POU2F1: variants seen among roughly 807,000 people sequenced by gnomAD.
The protein encoded by POU2F1 is POU class 2 homeobox 1, also known as POU domain, class 2, transcription factor 1.
A neutral mutation model predicts 84.9 loss-of-function variants in POU2F1; 16 were observed. The ratio of observed to expected loss-of-function variants is 0.19; its 90% CI spans 0.13 to 0.29. POU2F1 has a LOEUF of 0.29. Among genes scored for constraint, POU2F1 ranks in the 10% least tolerant of loss-of-function variants. The pLI, the probability that POU2F1 is intolerant of heterozygous loss-of-function variation, is 1.00. For synonymous variants in POU2F1, 368 were observed against 368.3 expected (o/e 1.00, Z 0.01); for missense variants, 738 against 942.6 (o/e 0.78, Z 2.84).
intron 1 of POU2F1, among the ~76,000 whole-genome samples, chr1:167,286,287 T>C (rs1187593310): frequency 1.3e-5 from 2 of 152,198 alleles, no homozygotes; most frequent in Non-Finnish European, 2.9e-5. Context: ...TCATCCTTCA[T>C]GTCAAATCAG....
chr1:167,367,455 G>C (rs1659756539), intron 3 of POU2F1, among the ~76,000 whole-genome samples: 1 of 152,152 alleles, frequency 6.6e-6, no homozygotes, highest in African/African-American at 2.4e-5. Flanking sequence ...TGAGACTACT[G>C]AGGAAGAAAT....
At chr1:167,285,275 G>T (rs557707243) in intron 1 of POU2F1, among the ~76,000 whole-genome samples, 1 of 152,160 alleles carries the variant, frequency 6.6e-6, no homozygotes, top group African/African-American at 2.4e-5. Context: ...ATGTTTACCC[G>T]GTAAAAAATG....
Position 167,265,333 on chromosome 1 carries a change from A to G in POU2F1, c.61+44375A>G, listed in dbSNP as rs140588573. Among the ~76,000 whole-genome samples, 393 of 152,326 alleles carry G rather than the reference A, an allele frequency of 2.6e-3. 1 individual carries two copies. The highest frequency in any genetic ancestry group is 9.0e-3 in the African/African-American group (374 of 41,558). On this transcript the variant is annotated intron_variant, in intron 1 of 15. Transcript: ENST00000367866. ...AGATAGAATTAACAGGACAGTTCAC[A>G]ATGATAAGATAACTTAAGTTTTTGC...
At chr1:167,229,199 C>T (rs1364318708) in intron 1 of POU2F1, among the ~76,000 whole-genome samples, 1 of 151,094 alleles carries the variant, frequency 6.6e-6, no homozygotes, top group African/African-American at 2.4e-5. Context: ...ATGGACAGTG[C>T]CATGATCAGA....
intron 2 of POU2F1, among the ~76,000 whole-genome samples, chr1:167,360,340 T>C (rs1042629766): frequency 6.6e-5 from 10 of 152,362 alleles, no homozygotes; most frequent in African/African-American, 2.4e-4. Context: ...TGGTCTTACA[T>C]GGAAGTATTT....
At position 167,418,167 on chromosome 1, in the gene POU2F1, T is replaced by C. The variant is rs1333528616; in HGVS notation, c.*2357T>C. 6.6e-6 allele frequency: 1 copy of C among 152,250 alleles called. No individual in the cohort carries two copies. Among genetic ancestry groups the C allele is most frequent in the Non-Finnish European group, 1.5e-5 (1 of 68,046 alleles). 9.4% of individuals were successfully genotyped at this position (152,250 alleles called of 1,614,324 possible). ...AGTTCAGACACATCGAGGAGATAGA[T>C]GCTACTGACAATTTCTTTTTCATTT... is the stretch of plus-strand genomic sequence containing the variant. On this transcript the variant is annotated 3_prime_UTR_variant, in exon 16 of 16. Coordinates refer to ENST00000367866, the MANE Select transcript of POU2F1 (RefSeq NM_002697.4).
At chr1:167,384,475 GC>G (rs1422863869) in intron 8 of POU2F1, among the ~76,000 whole-genome samples, 1 of 152,032 alleles carries the variant, frequency 6.6e-6, no homozygotes, top group Non-Finnish European at 1.5e-5. Context: ...TCTAGCTGTT[GC>G]TTTGAACATG....
intron 1 of POU2F1, among the ~76,000 whole-genome samples, chr1:167,222,349 T>C (rs1194316484): frequency 6.6e-6 from 1 of 152,216 alleles, no homozygotes; most frequent in Non-Finnish European, 1.5e-5. Context: ...GGGAGGTTTA[T>C]ATTATTGAAA....
At chr1:167,390,680 A>G (rs965300010) in intron 9 of POU2F1, among the ~76,000 whole-genome samples, 6 of 151,644 alleles carry the variant, frequency 4.0e-5, no homozygotes, top group African/African-American at 1.2e-4. Flanking sequence ...AGTCCAAGCT[A>G]TCAGGAGGCT....
At chr1:167,265,946 A>T (rs1381003182) in intron 1 of POU2F1, among the ~76,000 whole-genome samples, 1 of 152,240 alleles carries the variant, frequency 6.6e-6, no homozygotes, top group African/African-American at 2.4e-5. Flanking sequence ...CTGCAGCTAC[A>T]CTGTTAAATC....
At chr1:167,284,857 A>G (rs1209226245) in intron 1 of POU2F1, among the ~76,000 whole-genome samples, 1 of 152,212 alleles carries the variant, frequency 6.6e-6, no homozygotes, top group Non-Finnish European at 1.5e-5. Flanking sequence ...TGCCTTTCAC[A>G]ATAAATGTTT....
intron 2 of POU2F1, 110 bp downstream of exon 2, chr1:167,332,645 G>C: frequency 1.3e-6 from 1 of 775,230 alleles, no homozygotes. Context: ...TTTGAGTATT[G>C]AGTTGTCAAA....
intron 2 of POU2F1, among the ~76,000 whole-genome samples, chr1:167,363,607 C>G (rs1452702936): frequency 6.6e-6 from 1 of 152,130 alleles, no homozygotes; most frequent in African/African-American, 2.4e-5. Context: ...GGAGGTGATT[C>G]TAATTACATT....
At chr1:167,316,981 T>C (rs562255287) in intron 1 of POU2F1, among the ~76,000 whole-genome samples, 1 of 152,294 alleles carries the variant, frequency 6.6e-6, no homozygotes, top group East Asian at 1.9e-4. Context: ...AACTTCTGCC[T>C]CCTGGGTTCA....
intron 7 of POU2F1, 34 bp downstream of exon 7, chr1:167,376,189 C>T: frequency 6.2e-7 from 1 of 1,601,150 alleles, no homozygotes; most frequent in Non-Finnish European, 8.5e-7. Context: ...TAGTGGTATA[C>T]CAAGGCTGTT....
rs1191173801 is a variant in POU2F1, at chr1:167,420,946, G to GTAGTAT, written c.*5136_*5137insTAGTAT. ...GAGTTGAAAACATTAAAAGATGACT[G>GTAGTAT]ATACTAATGGGAGAAAAATACTAAA... On this transcript the variant is annotated 3_prime_UTR_variant, in exon 16 of 16. Coordinates refer to ENST00000367866, the MANE Select transcript of POU2F1 (RefSeq NM_002697.4). 3 of 152,162 alleles carry GTAGTAT rather than the reference G, an allele frequency of 2.0e-5. No homozygotes were observed. The highest frequency in any genetic ancestry group is 2.9e-5 in the Non-Finnish European group (2 of 68,026). The allele number at this position is 152,162 out of a possible 1,614,324, so 9.4% of individuals were successfully genotyped here.
At chr1:167,346,876 G>A (rs1658240032) in intron 2 of POU2F1, among the ~76,000 whole-genome samples, 1 of 152,186 alleles carries the variant, frequency 6.6e-6, no homozygotes, top group Non-Finnish European at 1.5e-5. Flanking sequence ...TTGTTTCTGT[G>A]ATAAGTGATT....
chr1:167,390,792 A>T (rs1461799642), intron 9 of POU2F1, among the ~76,000 whole-genome samples: 1 of 148,528 alleles, frequency 6.7e-6, no homozygotes, highest in East Asian at 1.9e-4. Flanking sequence ...ACTGTCTCTA[A>T]AAAGTAAAAA....
intron 1 of POU2F1, among the ~76,000 whole-genome samples, chr1:167,299,801 A>G (rs1363008683): frequency 6.6e-6 from 1 of 151,658 alleles, no homozygotes; most frequent in Non-Finnish European, 1.5e-5. Flanking sequence ...GAAGTTTGAC[A>G]CTGTAAGTCA....
Sources: allele counts gnomAD v4.1 joint callset (sites outside exome capture counted in the v4.1 genomes callset), GRCh38; gene constraint gnomAD v4.1.1; transcripts MANE v1.5; gene names NCBI Gene and HGNC (gene_info 2026-07-23, HGNC 2026-07-21).